MEOX2: variants seen among roughly 807,000 people sequenced by gnomAD.
The protein encoded by MEOX2 is mesenchyme homeobox 2.
A neutral mutation model predicts 27.0 loss-of-function variants in MEOX2; 11 were observed. The observed-to-expected ratio is 0.41, with a 90% CI of 0.26 to 0.68. MEOX2 has a LOEUF of 0.68. Among genes scored for constraint, MEOX2 ranks in the 30% least tolerant of loss-of-function variants. MEOX2 has a pLI of 0.33. For missense variants in MEOX2, 436 were observed against 385.4 expected (o/e 1.13, Z -1.10); for synonymous variants, 189 against 155.4 (o/e 1.22, Z -1.61).
At chr7:15,648,695 C>T (rs376862772) in intron 1 of MEOX2, among the ~76,000 whole-genome samples, 14 of 151,998 alleles carry the variant, frequency 9.2e-5, no homozygotes, top group Non-Finnish European at 1.9e-4. Flanking sequence ...GAAATAGAAA[C>T]CAGCTTTGAG....
At chr7:15,625,487 G>T (rs891193297) in intron 2 of MEOX2, among the ~76,000 whole-genome samples, 2 of 152,134 alleles carry the variant, frequency 1.3e-5, no homozygotes, top group Non-Finnish European at 2.9e-5. Flanking sequence ...ACCTACCAAA[G>T]CTGAAATGTA....
rs1165164415 is a variant in MEOX2, at chr7:15,612,313, T to C, written c.*74A>G. 2.6e-6 allele frequency: 3 copies of C among 1,157,658 alleles called. No individual in the cohort carries two copies. Among genetic ancestry groups the C allele is most frequent in the South Asian group, 2.5e-5 (2 of 81,176 alleles). The allele number at this position is 1,157,658 out of a possible 1,614,324, so 71.7% of individuals were successfully genotyped here. On this transcript the variant is annotated 3_prime_UTR_variant, in exon 3 of 3. Transcript: ENST00000262041. ...CATCACTGCCATAGTCATCTCTCTG[T>C]GTAAACGATATTTGGGTAAGGCTTG...
intron 1 of MEOX2, among the ~76,000 whole-genome samples, chr7:15,632,915 T>A (rs1442380350): frequency 6.6e-6 from 1 of 151,954 alleles, no homozygotes; most frequent in African/African-American, 2.4e-5. Context: ...TGGATCTGTC[T>A]AATAGCAAAG....
chr7:15,645,189 C>T lies in MEOX2; in HGVS notation c.518-18271G>A, dbSNP rs929554142. On this transcript the variant is annotated intron_variant, in intron 1 of 2. Coordinates refer to ENST00000262041, the MANE Select transcript of MEOX2 (RefSeq NM_005924.5). ...AATATTTTTCTGATTCATTAATAAC[C>T]TTTCTTGTAGTGTTAATCTGACAAT... 4.6e-5 allele frequency among the ~76,000 whole-genome samples: 7 copies of T among 152,152 alleles called. No individual in the cohort carries two copies. In the East Asian group the frequency reaches 1.3e-3, roughly 29 times the overall value.
At chr7:15,633,215 CTT>C (rs1364465123) in intron 1 of MEOX2, among the ~76,000 whole-genome samples, 1 of 151,832 alleles carries the variant, frequency 6.6e-6, no homozygotes, top group Non-Finnish European at 1.5e-5. Flanking sequence ...TGTTTTCACA[CTT>C]AATTTTAATA....
chr7:15,664,735 T>C (rs1781972093), intron 1 of MEOX2, among the ~76,000 whole-genome samples: 1 of 152,178 alleles, frequency 6.6e-6, no homozygotes, highest in Admixed American at 6.5e-5. Context: ...TTAAGAAGTT[T>C]GCAAGGGCTG....
At chr7:15,661,323 A>C (rs1241817510) in intron 1 of MEOX2, among the ~76,000 whole-genome samples, 1 of 152,188 alleles carries the variant, frequency 6.6e-6, no homozygotes, top group African/African-American at 2.4e-5. Context: ...AATTTTTCTT[A>C]GCGCTAAGCT....
intron 1 of MEOX2, among the ~76,000 whole-genome samples, chr7:15,644,406 T>C (rs1189933294): frequency 6.6e-6 from 1 of 152,172 alleles, no homozygotes; most frequent in East Asian, 1.9e-4. Flanking sequence ...TTCAGTGTTT[T>C]CTCTCAAAAT....
At chr7:15,663,508 T>A (rs202120929) in intron 1 of MEOX2, among the ~76,000 whole-genome samples, 1 of 9,230 alleles carries the variant, frequency 1.1e-4, no homozygotes, top group East Asian at 0.016. Context: ...AATTTTTGTA[T>A]TTTTTTTTTT....
At chr7:15,663,560 C>T (rs1285852775) in intron 1 of MEOX2, among the ~76,000 whole-genome samples, 1 of 151,808 alleles carries the variant, frequency 6.6e-6, no homozygotes, top group African/African-American at 2.4e-5. Context: ...AGGCTGGTCT[C>T]GAACTCCTGA....
At chr7:15,613,220 T>A (rs1232486812) in intron 2 of MEOX2, among the ~76,000 whole-genome samples, 1 of 152,194 alleles carries the variant, frequency 6.6e-6, no homozygotes, top group East Asian at 1.9e-4. Context: ...GTGATTTCTT[T>A]AAAATATGGT....
At chr7:15,678,353 T>G (rs896598921) in intron 1 of MEOX2, among the ~76,000 whole-genome samples, 1 of 152,124 alleles carries the variant, frequency 6.6e-6, no homozygotes, top group Non-Finnish European at 1.5e-5. Context: ...TCTTTAAATG[T>G]GAAAGTTATT....
At position 15,658,351 on chromosome 7, in the gene MEOX2, A is replaced by AT. The variant is rs553378607; in HGVS notation, c.517+27534dup. 2.7e-3 allele frequency among the ~76,000 whole-genome samples: 418 copies of AT among 152,088 alleles called. 2 individuals carry two copies. The highest frequency in any genetic ancestry group is 9.7e-3 in the African/African-American group (401 of 41,492). On this transcript the variant is annotated intron_variant, in intron 1 of 2. Coordinates refer to ENST00000262041, the MANE Select transcript of MEOX2 (RefSeq NM_005924.5). ...GTGTGGATGCAGAAGCAGCCATGGG[A>AT]TTTTTTCCTACGGTGTTTGACTGGA...
At chr7:15,658,836 C>G (rs906071923) in intron 1 of MEOX2, among the ~76,000 whole-genome samples, 2 of 152,200 alleles carry the variant, frequency 1.3e-5, no homozygotes, top group African/African-American at 4.8e-5. Context: ...ACTTAGTCTT[C>G]CCAGCCTCCA....
intron 1 of MEOX2, among the ~76,000 whole-genome samples, chr7:15,677,225 A>G (rs1302869148): frequency 6.6e-6 from 1 of 152,236 alleles, no homozygotes; most frequent in African/African-American, 2.4e-5. Context: ...CATATGCATT[A>G]CATAATTGTA....
chr7:15,647,567 G>A (rs764547790), intron 1 of MEOX2, among the ~76,000 whole-genome samples: 1 of 151,942 alleles, frequency 6.6e-6, no homozygotes. Flanking sequence ...TAATGATCTA[G>A]GTTCTAAAAT....
At chr7:15,685,222 T>A (rs928510634) in intron 1 of MEOX2, among the ~76,000 whole-genome samples, 2 of 152,220 alleles carry the variant, frequency 1.3e-5, no homozygotes, top group African/African-American at 4.8e-5. Context: ...AGTGTGAGCA[T>A]CTATTTATTT....
chr7:15,641,903 T>C (rs752356566), intron 1 of MEOX2, among the ~76,000 whole-genome samples: 1 of 152,172 alleles, frequency 6.6e-6, no homozygotes, highest in Non-Finnish European at 1.5e-5. Flanking sequence ...CAAAATTTTT[T>C]GTTGCCATTC....
intron 1 of MEOX2, among the ~76,000 whole-genome samples, chr7:15,659,067 A>G (rs1455199809): frequency 1.3e-5 from 2 of 152,132 alleles, no homozygotes; most frequent in African/African-American, 2.4e-5. Context: ...TGGCATGATT[A>G]TGGCTCATTA....
Sources: allele counts gnomAD v4.1 joint callset (sites outside exome capture counted in the v4.1 genomes callset), GRCh38; gene constraint gnomAD v4.1.1; transcripts MANE v1.5; gene names NCBI Gene and HGNC (gene_info 2026-07-23, HGNC 2026-07-21).